The following LIN7A variants were observed in gnomAD, a reference collection of about 807,000 sequenced individuals.
The protein encoded by LIN7A is protein lin-7 homolog A.
A neutral mutation model predicts 29.8 loss-of-function variants in LIN7A; 25 were observed. The ratio of observed to expected loss-of-function variants is 0.84; its 90% CI spans 0.61 to 1.17. LIN7A has a LOEUF of 1.17. LIN7A is among the 50% of genes most tolerant of loss of function. LIN7A has a pLI of 0.00. For synonymous variants in LIN7A, 118 were observed against 107.5 expected, an observed-to-expected ratio of 1.10 and a Z score of -0.60; for missense variants, 239 against 287.0, an observed-to-expected ratio of 0.83 and a Z score of 1.21.
At chr12:80,899,765 C>CTTTTTTTTTTTTTTTTTTTTT (rs760389788) in intron 1 of LIN7A, among the ~76,000 whole-genome samples, 2 of 110,042 alleles carry the variant, frequency 1.8e-5, no homozygotes, top group Non-Finnish European at 3.9e-5. Flanking sequence ...TTCTTTTTTT[C>CTTTTTTTTTTTTTTTTTTTTT]TTTTCTTTTT....
chr12:80,857,174 C>T (rs1190882726), intron 2 of LIN7A, among the ~76,000 whole-genome samples: 1 of 152,162 alleles, frequency 6.6e-6, no homozygotes, highest in African/African-American at 2.4e-5. Context: ...AGCTAGTCTT[C>T]TCATTTTATA....
chr12:80,886,633 A>G (rs572167857), intron 2 of LIN7A, among the ~76,000 whole-genome samples: 1 of 152,226 alleles, frequency 6.6e-6, no homozygotes, highest in Admixed American at 6.5e-5. Context: ...TTTACTGTGA[A>G]TATAAAATTA....
intron 2 of LIN7A, among the ~76,000 whole-genome samples, chr12:80,866,665 A>G (rs1874150750): frequency 6.6e-6 from 1 of 152,202 alleles, no homozygotes; most frequent in Non-Finnish European, 1.5e-5. Context: ...GACTTTCAAA[A>G]GCACTCTATG....
At chr12:80,904,070 GT>G (rs1174428645) in intron 1 of LIN7A, among the ~76,000 whole-genome samples, 1 of 151,818 alleles carries the variant, frequency 6.6e-6, no homozygotes, top group East Asian at 1.9e-4. Flanking sequence ...CTAAGCTTTT[GT>G]TTTTCTAAAA....
intron 2 of LIN7A, among the ~76,000 whole-genome samples, chr12:80,881,041 A>G (rs755408487): frequency 6.6e-6 from 1 of 152,180 alleles, no homozygotes; most frequent in East Asian, 1.9e-4. Flanking sequence ...GAAATGATAA[A>G]GCTTTCTCCA....
At chr12:80,844,876 A>G (rs1872987044) in intron 4 of LIN7A, among the ~76,000 whole-genome samples, 1 of 152,222 alleles carries the variant, frequency 6.6e-6, no homozygotes, top group Non-Finnish European at 1.5e-5. Context: ...TGAATAGGTA[A>G]TTTAATCAAA....
chr12:80,845,388 T>C (rs1873024184), intron 4 of LIN7A, among the ~76,000 whole-genome samples: 1 of 152,194 alleles, frequency 6.6e-6, no homozygotes, highest in South Asian at 2.1e-4. Context: ...TCTTAAAATG[T>C]ATGTATTTGC....
chr12:80,848,209 T>A lies in LIN7A; in HGVS notation c.273+42A>T, dbSNP rs141802389. On this transcript the variant is annotated intron_variant, in intron 3 of 5. Transcript: ENST00000552864. ...CACACGCGCACAATCAATTACTAGA[T>A]AACTGGGGTCAAGTATATTTTTAAA... is the stretch of plus-strand genomic sequence containing the variant. 27 of 1,416,730 alleles carry A rather than the reference T, an allele frequency of 1.9e-5. No homozygotes were observed. In the East Asian group the frequency reaches 5.9e-4, roughly 31 times the overall value. The allele number at this position is 1,416,730 out of a possible 1,614,324, so 87.8% of individuals were successfully genotyped here.
rs370465323 is a variant in LIN7A at position 80,854,485 on chromosome 12, C to CAAAAAAAAAAAAAAAAAA, written c.202-6164_202-6163insTTTTTTTTTTTTTTTTTT. Among the ~76,000 whole-genome samples the CAAAAAAAAAAAAAAAAAA allele has an allele frequency of 1.1e-4, 4 of 37,112 alleles. 2 individuals carry two copies. The highest frequency in any genetic ancestry group is 1.9e-4 in the African/African-American group (2 of 10,626). 24.3% of individuals were successfully genotyped at this position (37,112 alleles called of 152,430 possible). On this transcript the variant is annotated intron_variant, in intron 2 of 5. Transcript: ENST00000552864. ...TGAATCTGAAATGCATGTTGCTAAG[C>CAAAAAAAAAAAAAAAAAA]CAAAAAAAAAAAAAAAAAAAAAAGC...
At chr12:80,835,850 T>C (rs1828034508) in intron 4 of LIN7A, among the ~76,000 whole-genome samples, 2 of 152,062 alleles carry the variant, frequency 1.3e-5, no homozygotes, top group Admixed American at 1.3e-4. Context: ...AAAATATCAA[T>C]TCACAATAAA....
At chr12:80,904,141 TTAAA>T (rs755991743) in intron 1 of LIN7A, among the ~76,000 whole-genome samples, 3 of 152,080 alleles carry the variant, frequency 2.0e-5, no homozygotes, top group Non-Finnish European at 4.4e-5. Context: ...TAATTTTAGC[TTAAA>T]TAAGAGCATA....
intron 2 of LIN7A, among the ~76,000 whole-genome samples, chr12:80,877,521 T>A (rs1406362996): frequency 6.6e-6 from 1 of 151,954 alleles, no homozygotes; most frequent in Non-Finnish European, 1.5e-5. Context: ...AATCAGACTA[T>A]ATACAAATAA....
At chr12:80,822,357 C>T (rs574601875) in intron 4 of LIN7A, among the ~76,000 whole-genome samples, 217 of 152,082 alleles carry the variant, frequency 1.4e-3, no homozygotes, top group African/African-American at 5.0e-3. Context: ...CAGGAGTTTG[C>T]GACCAGACTG....
At chr12:80,803,991 C>T (rs913530342) in intron 5 of LIN7A, among the ~76,000 whole-genome samples, 1 of 152,060 alleles carries the variant, frequency 6.6e-6, no homozygotes, top group Non-Finnish European at 1.5e-5. Flanking sequence ...AATCGTGGCC[C>T]TATTACTTGT....
intron 1 of LIN7A, among the ~76,000 whole-genome samples, chr12:80,895,681 G>A (rs1396987910): frequency 3.3e-5 from 5 of 152,172 alleles, no homozygotes; most frequent in Non-Finnish European, 7.3e-5. Flanking sequence ...TGGCTTCCAG[G>A]AAGGCCTTTG....
intron 2 of LIN7A, among the ~76,000 whole-genome samples, chr12:80,850,048 T>A (rs1244868424): frequency 6.6e-6 from 1 of 152,102 alleles, no homozygotes. Context: ...AAAAGGTGAT[T>A]TTGTAAGTGC....
chr12:80,827,135 C>T (rs1048308605), intron 4 of LIN7A, among the ~76,000 whole-genome samples: 6 of 152,102 alleles, frequency 3.9e-5, no homozygotes, highest in East Asian at 1.9e-4. Context: ...GGTCTGTAAT[C>T]CCAGCACTTT....
At chr12:80,879,495 C>G (rs1874906615) in intron 2 of LIN7A, among the ~76,000 whole-genome samples, 1 of 151,530 alleles carries the variant, frequency 6.6e-6, no homozygotes, top group African/African-American at 2.4e-5. Context: ...AAATTACTAA[C>G]CAAATCATAT....
At chr12:80,894,332 C>T (rs1187295128) in intron 1 of LIN7A, among the ~76,000 whole-genome samples, 1 of 152,092 alleles carries the variant, frequency 6.6e-6, no homozygotes, top group Non-Finnish European at 1.5e-5. Flanking sequence ...ACAAGGAAAG[C>T]AAGAAGGATT....
Sources: gnomAD v4.1 joint callset for allele counts (sites outside exome capture counted in the v4.1 genomes callset) on GRCh38, gnomAD v4.1.1 for gene constraint, MANE v1.5 for transcripts, NCBI Gene and HGNC (gene_info 2026-07-23, HGNC 2026-07-21) for gene names.